The following CELF2 variants were observed in gnomAD, a reference collection of about 807,000 sequenced individuals.
CELF2 encodes CUG triplet repeat RNA-binding protein 2.
A neutral mutation model predicts 62.6 loss-of-function variants in CELF2; 8 were observed. The ratio of observed to expected loss-of-function variants is 0.13; its 90% confidence interval spans 0.07 to 0.23. CELF2 has a LOEUF of 0.23. Ranked by LOEUF, CELF2 falls within the 10% of genes least tolerant of loss-of-function variation. The probability of loss-of-function intolerance (pLI) is 1.00; values close to 1 mark genes in which losing one functional copy is unlikely to be tolerated. For synonymous variants in CELF2, 258 were observed against 250.0 expected (o/e 1.03, Z -0.30); for missense variants, 333 against 671.0 (o/e 0.50, Z 5.56).
At chr10:11,093,184 C>T (rs1438036786) in intron 1 of CELF2, among the ~76,000 whole-genome samples, 1 of 152,142 alleles carries the variant, frequency 6.6e-6, no homozygotes, top group African/African-American at 2.4e-5. Flanking sequence ...AGAAGAAGTT[C>T]ATGCTGCTCT....
At chr10:11,209,109 G>C (rs751440735) in intron 2 of CELF2, among the ~76,000 whole-genome samples, 7 of 152,034 alleles carry the variant, frequency 4.6e-5, no homozygotes, top group Non-Finnish European at 1.0e-4. Context: ...CATGCCCCTG[G>C]TTCCTGTATC....
chr10:10,887,424 C>G (rs1257234986), intron 1 of CELF2, among the ~76,000 whole-genome samples: 5 of 152,182 alleles, frequency 3.3e-5, no homozygotes, highest in Non-Finnish European at 5.9e-5. Flanking sequence ...GCAGTTCAGG[C>G]AGGCGTTTCA....
At chr10:10,546,974 G>A in the CELF2 span, among the ~76,000 whole-genome samples, 1 of 152,182 alleles carries the variant, frequency 6.6e-6, no homozygotes, top group Non-Finnish European at 1.5e-5. Context: ...GGGCATGGTG[G>A]CATGCGCCTG....
At chr10:10,567,749 T>C in the CELF2 span, among the ~76,000 whole-genome samples, 1 of 152,154 alleles carries the variant, frequency 6.6e-6, no homozygotes, top group African/African-American at 2.4e-5. Flanking sequence ...GCCATGACTT[T>C]GGGTGATGTG....
chr10:11,236,002 G>A (rs1246081176), intron 3 of CELF2, among the ~76,000 whole-genome samples: 3 of 152,286 alleles, frequency 2.0e-5, no homozygotes, highest in Non-Finnish European at 2.9e-5. Flanking sequence ...TGTGTCTGTC[G>A]TAAATGAAGT....
intron 1 of CELF2, among the ~76,000 whole-genome samples, chr10:11,116,298 T>C (rs1208706575): frequency 6.6e-6 from 1 of 152,228 alleles, no homozygotes; most frequent in Non-Finnish European, 1.5e-5. Flanking sequence ...ACTTAATTTT[T>C]AAAACCTAAT....
the CELF2 span, among the ~76,000 whole-genome samples, chr10:10,498,874 G>T: frequency 1.4e-4 from 21 of 152,286 alleles, no homozygotes; most frequent in African/African-American, 4.8e-4. Flanking sequence ...ACCACAGGGA[G>T]ATGGGAGAGA....
At chr10:10,643,597 C>T in the CELF2 span, among the ~76,000 whole-genome samples, 1 of 152,152 alleles carries the variant, frequency 6.6e-6, no homozygotes, top group Non-Finnish European at 1.5e-5. Context: ...AATTGGACCA[C>T]AGAATTATAA....
chr10:11,107,625 C>T (rs1462858854), intron 1 of CELF2, among the ~76,000 whole-genome samples: 2 of 151,982 alleles, frequency 1.3e-5, no homozygotes, highest in Non-Finnish European at 2.9e-5. Context: ...TACCTCACTT[C>T]CATTTTAAAG....
At position 11,227,093 on chromosome 10, in the gene CELF2, C is replaced by T. The variant is rs1047792077; in HGVS notation, c.354+9586C>T. 6.6e-5 allele frequency among the ~76,000 whole-genome samples: 10 copies of T among 152,158 alleles called. No individual in the cohort carries two copies. Among genetic ancestry groups the T allele is most frequent in the Admixed American group, 5.9e-4 (9 of 15,278 alleles). ...TGGAAGAGTGAGCAGGACTCTGTTA[C>T]CTGCAACCCCAAGCTTTAGGCAGCA... On this transcript the variant is annotated intron_variant, in intron 3 of 12. Transcript: ENST00000633077. This position sits in a 1 kb window ranked among gnomAD's most constrained non-coding sequence, Gnocchi z 4.8.
chr10:10,604,515 C>T, the CELF2 span, among the ~76,000 whole-genome samples: 42,163 of 151,966 alleles, frequency 0.28, 6,244 homozygotes, highest in South Asian at 0.51. Flanking sequence ...GCCAAGAGAC[C>T]AACATGAGTT....
chr10:10,909,870 T>C (rs190771587), intron 1 of CELF2, among the ~76,000 whole-genome samples: 13,489 of 152,242 alleles, frequency 0.089, 1,279 homozygotes, highest in African/African-American at 0.24. Flanking sequence ...GGCTCATGTT[T>C]ATAAAGTTTC....
chr10:10,516,215 G>C, the CELF2 span, among the ~76,000 whole-genome samples: 1 of 152,154 alleles, frequency 6.6e-6, no homozygotes, highest in Non-Finnish European at 1.5e-5. Flanking sequence ...ACTAGGGGTA[G>C]GCAATAGGCA....
chr10:10,896,569 G>C (rs1170118156), intron 1 of CELF2, among the ~76,000 whole-genome samples: 1 of 151,842 alleles, frequency 6.6e-6, no homozygotes, highest in Non-Finnish European at 1.5e-5. Flanking sequence ...AAGAAAAGAG[G>C]AGACACAGAG....
At chr10:10,707,562 G>A in the CELF2 span, among the ~76,000 whole-genome samples, 631 of 152,226 alleles carry the variant, frequency 4.1e-3, 18 homozygotes, top group East Asian at 0.067. Context: ...TTCACATGAA[G>A]GAAACCATCC....
At position 11,192,612 on chromosome 10, in the gene CELF2, A is replaced by C. The variant is rs149189234; in HGVS notation, c.272-24813A>C. Among the ~76,000 whole-genome samples the C allele has an allele frequency of 4.9e-3, 753 of 152,320 alleles. 6 individuals are homozygous for C. Among genetic ancestry groups the C allele is most frequent in the Middle Eastern group, 0.014 (4 of 294 alleles). On this transcript the variant is annotated intron_variant, in intron 2 of 12. Transcript: ENST00000633077. Reference sequence around the variant, plus strand: ...ATGACAATAACAAGCCAGCCTTGCTATTTTGGAAAGCAGTGAGGGACGTGG... The same window carrying C: ...ATGACAATAACAAGCCAGCCTTGCTCTTTTGGAAAGCAGTGAGGGACGTGG...
At chr10:10,644,441 G>C in the CELF2 span, among the ~76,000 whole-genome samples, 1 of 151,694 alleles carries the variant, frequency 6.6e-6, no homozygotes, top group African/African-American at 2.4e-5. Flanking sequence ...GCACTTCAGA[G>C]CTTCTTCCTG....
rs548716746 is a variant in CELF2 at position 11,199,469 on chromosome 10, A to T, written c.272-17956A>T. 2.0e-5 allele frequency among the ~76,000 whole-genome samples: 3 copies of T among 152,280 alleles called. No individual in the cohort carries two copies. The East Asian group carries it at 5.8e-4, about 29-fold the overall frequency. On this transcript the variant is annotated intron_variant, in intron 2 of 12. Coordinates refer to ENST00000633077, the MANE Select transcript of CELF2 (RefSeq NM_001326342.2). ...ACACCTGCGAGCAGAGAAGGCCCGC[A>T]GGTTGGGTATGGTCTGTGTAGAGCC... is the stretch of plus-strand genomic sequence containing the variant.
intron 1 of CELF2, among the ~76,000 whole-genome samples, chr10:10,844,842 A>T (rs1334700400): frequency 6.6e-6 from 1 of 152,026 alleles, no homozygotes; most frequent in Non-Finnish European, 1.5e-5. Flanking sequence ...ATCAGGGAAA[A>T]CTCAGGAAAG....
Sources: allele counts gnomAD v4.1 joint callset (sites outside exome capture counted in the v4.1 genomes callset), GRCh38; gene constraint gnomAD v4.1.1; non-coding constraint Gnocchi (gnomAD v3.1); transcripts MANE v1.5; gene names NCBI Gene and HGNC (gene_info 2026-07-23, HGNC 2026-07-21).